SCFD2: variants seen among roughly 807,000 people sequenced by gnomAD.
The protein encoded by SCFD2 is sec1 family domain-containing protein 2.
SCFD2 carries 54 observed loss-of-function variants against 58.9 expected under a neutral mutation model. The observed-to-expected ratio is 0.92, with a 90% CI of 0.74 to 1.15. The LOEUF is 1.15. Among genes scored for constraint, SCFD2 ranks in the 50% most tolerant of loss-of-function variants. The probability of loss-of-function intolerance (pLI) is 0.00; values close to 1 mark genes in which losing one functional copy is unlikely to be tolerated. For synonymous variants in SCFD2, 321 were observed against 335.9 expected, an observed-to-expected ratio of 0.96 and a Z score of 0.49; for missense variants, 805 against 836.6, an observed-to-expected ratio of 0.96 and a Z score of 0.47.
intron 5 of SCFD2, among the ~76,000 whole-genome samples, chr4:52,939,736 GA>G (rs34583625): frequency 0.052 from 7,103 of 136,904 alleles, 198 homozygotes; most frequent in South Asian, 0.13. Context: ...AAGAAAAAAT[GA>G]AAAAAAAAAA....
chr4:52,891,851 C>T (rs1322174057), intron 7 of SCFD2, among the ~76,000 whole-genome samples: 2 of 152,216 alleles, frequency 1.3e-5, no homozygotes, highest in Admixed American at 6.5e-5. Context: ...CCCCCCTGCC[C>T]TCCACTTTCT....
chr4:53,018,347 G>A (rs552407928), intron 5 of SCFD2, among the ~76,000 whole-genome samples: 1 of 152,276 alleles, frequency 6.6e-6, no homozygotes, highest in East Asian at 1.9e-4. Flanking sequence ...GATAGAACAT[G>A]TACACCCAGA....
intron 5 of SCFD2, among the ~76,000 whole-genome samples, chr4:52,992,595 C>G (rs569819713): frequency 6.6e-6 from 1 of 150,992 alleles, no homozygotes; most frequent in African/African-American, 2.4e-5. Flanking sequence ...CGTCTCTGCC[C>G]GGCCGCCCAT....
chr4:52,959,699 A>G (rs895398751), intron 5 of SCFD2, among the ~76,000 whole-genome samples: 3 of 152,216 alleles, frequency 2.0e-5, no homozygotes, highest in Admixed American at 1.3e-4. Context: ...AACCATGCCA[A>G]ATGAATTCCG....
intron 5 of SCFD2, among the ~76,000 whole-genome samples, chr4:53,048,043 GA>G (rs1379960931): frequency 2.0e-5 from 3 of 152,100 alleles, no homozygotes; most frequent in African/African-American, 7.2e-5. Flanking sequence ...AAGGTAGCTT[GA>G]AAAATCTTTT....
chr4:53,282,585 T>A (rs2149078164), intron 3 of SCFD2, among the ~76,000 whole-genome samples: 1 of 152,252 alleles, frequency 6.6e-6, no homozygotes, highest in African/African-American at 2.4e-5. Flanking sequence ...TGTGGTATAA[T>A]TTCAAAACAT....
chr4:53,086,992 T>C (rs567133125), intron 5 of SCFD2, among the ~76,000 whole-genome samples: 1 of 152,280 alleles, frequency 6.6e-6, no homozygotes, highest in South Asian at 2.1e-4. Flanking sequence ...CAGATGACTA[T>C]AGTCAACAAT....
intron 5 of SCFD2, among the ~76,000 whole-genome samples, chr4:53,088,784 A>G (rs901832460): frequency 1.3e-5 from 2 of 152,054 alleles, no homozygotes; most frequent in Non-Finnish European, 2.9e-5. Context: ...GACTGTTGGG[A>G]TGCAATGTCT....
intron 5 of SCFD2, among the ~76,000 whole-genome samples, chr4:53,066,878 C>T (rs1441923178): frequency 3.9e-5 from 6 of 151,982 alleles, no homozygotes; most frequent in Non-Finnish European, 7.4e-5. Flanking sequence ...CATTTTTATA[C>T]GTAGCAGTTA....
At chr4:53,007,303 A>AGG (rs1357209780) in intron 5 of SCFD2, among the ~76,000 whole-genome samples, 3 of 86,666 alleles carry the variant, frequency 3.5e-5, no homozygotes, top group Non-Finnish European at 7.3e-5. Context: ...AGAGAGGGAG[A>AGG]GGGAGAGAGA....
At chr4:53,048,218 G>T (rs1351027792) in intron 5 of SCFD2, among the ~76,000 whole-genome samples, 1 of 152,144 alleles carries the variant, frequency 6.6e-6, no homozygotes, top group Non-Finnish European at 1.5e-5. Context: ...CAGTGTGGTG[G>T]TGTGTGCCTG....
chr4:53,058,842 A>C (rs1723423601), intron 5 of SCFD2, among the ~76,000 whole-genome samples: 1 of 152,176 alleles, frequency 6.6e-6, no homozygotes, highest in African/African-American at 2.4e-5. Flanking sequence ...AAAGCAGTAA[A>C]AACAGGTACC....
At chr4:53,252,438 G>A (rs1379093124) in intron 4 of SCFD2, among the ~76,000 whole-genome samples, 3 of 151,582 alleles carry the variant, frequency 2.0e-5, no homozygotes, top group South Asian at 2.1e-4. Flanking sequence ...TCAATCCTAA[G>A]CCAAAGGAAC....
At chr4:53,293,737 T>G (rs1402254790) in intron 3 of SCFD2, among the ~76,000 whole-genome samples, 1 of 151,976 alleles carries the variant, frequency 6.6e-6, no homozygotes, top group Non-Finnish European at 1.5e-5. Flanking sequence ...GCTCACTCTT[T>G]AAAAAAAATT....
chr4:53,274,941 G>C (rs1731283500), intron 3 of SCFD2, among the ~76,000 whole-genome samples: 1 of 152,204 alleles, frequency 6.6e-6, no homozygotes, highest in Non-Finnish European at 1.5e-5. Flanking sequence ...GTTGTTCTTT[G>C]ATACTGAAAT....
intron 2 of SCFD2, among the ~76,000 whole-genome samples, chr4:53,338,667 G>A (rs1420308217): frequency 3.8e-5 from 5 of 132,806 alleles, no homozygotes; most frequent in Non-Finnish European, 3.1e-5. Flanking sequence ...TGCAAGCTCC[G>A]CCTCCCGGGT....
At chr4:53,023,439 G>T (rs553114434) in intron 5 of SCFD2, among the ~76,000 whole-genome samples, 17 of 152,190 alleles carry the variant, frequency 1.1e-4, no homozygotes, top group African/African-American at 3.9e-4. Context: ...GAGGTACCAA[G>T]AATTCAGGAG....
chr4:53,137,812 T>C (rs1344072883), intron 5 of SCFD2, among the ~76,000 whole-genome samples: 1 of 152,166 alleles, frequency 6.6e-6, no homozygotes, highest in Admixed American at 6.5e-5. Context: ...TGTCAAAAAG[T>C]AATATTAAAG....
intron 4 of SCFD2, among the ~76,000 whole-genome samples, chr4:53,237,048 AGCATGCT>A (rs1289064729): frequency 1.3e-5 from 2 of 149,192 alleles, no homozygotes; most frequent in Non-Finnish European, 3.0e-5. Context: ...ACTCTTAACG[AGCATGCT>A]GCCTTCAAGC....
Sources: gnomAD v4.1 joint callset for allele counts (sites outside exome capture counted in the v4.1 genomes callset) on GRCh38, gnomAD v4.1.1 for gene constraint, MANE v1.5 for transcripts, NCBI Gene and HGNC (gene_info 2026-07-23, HGNC 2026-07-21) for gene names.